NKAIN2: variants seen among roughly 807,000 people sequenced by gnomAD.
The protein encoded by NKAIN2 is sodium/potassium transporting ATPase interacting 2, also known as sodium/potassium-transporting ATPase subunit beta-1-interacting protein 2.
NKAIN2 carries 14 observed loss-of-function variants against 32.6 expected under a neutral mutation model. That is an observed-to-expected ratio of 0.43 (90% confidence interval 0.28 to 0.67). The LOEUF (loss-of-function observed/expected upper bound fraction) is 0.67, where lower values mean the gene tolerates loss of function less well. Among genes scored for constraint, NKAIN2 ranks in the 30% least tolerant of loss-of-function variants. NKAIN2 has a pLI of 0.17. For missense variants in NKAIN2, 198 were observed against 258.3 expected, an observed-to-expected ratio of 0.77 and a Z score of 1.60; for synonymous variants, 80 against 87.2, an observed-to-expected ratio of 0.92 and a Z score of 0.46.
chr6:123,905,964 G>T (rs1232255263), intron 1 of NKAIN2, among the ~76,000 whole-genome samples: 1 of 152,084 alleles, frequency 6.6e-6, no homozygotes, highest in African/African-American at 2.4e-5. Context: ...GATGGATTTT[G>T]GAATTGTTTT....
chr6:124,336,639 G>A (rs565492644), intron 2 of NKAIN2, among the ~76,000 whole-genome samples: 15 of 150,876 alleles, frequency 9.9e-5, no homozygotes, highest in African/African-American at 3.6e-4. Flanking sequence ...CTTATGTGTA[G>A]CCAAAAGTAC....
intron 3 of NKAIN2, among the ~76,000 whole-genome samples, chr6:124,571,000 G>A (rs1163566601): frequency 6.6e-6 from 1 of 152,170 alleles, no homozygotes; most frequent in Non-Finnish European, 1.5e-5. Flanking sequence ...GTGTGACCTG[G>A]ATGTGAGACC....
chr6:123,837,220 T>G (rs771473101), intron 1 of NKAIN2, among the ~76,000 whole-genome samples: 5 of 152,168 alleles, frequency 3.3e-5, no homozygotes, highest in Non-Finnish European at 7.4e-5. Flanking sequence ...TGACTTTTTT[T>G]TTTCATTTAG....
chr6:123,902,451 A>G (rs1774645978), intron 1 of NKAIN2, among the ~76,000 whole-genome samples: 2 of 152,200 alleles, frequency 1.3e-5, no homozygotes, highest in Non-Finnish European at 2.9e-5. Flanking sequence ...CAGCTACTTC[A>G]GTATCTACAT....
chr6:124,687,275 TA>T (rs1773956538), intron 4 of NKAIN2, among the ~76,000 whole-genome samples: 1 of 126,854 alleles, frequency 7.9e-6, no homozygotes, highest in African/African-American at 3.1e-5. Context: ...TCTCTATATA[TA>T]GAGAGAGAAT....
At chr6:124,772,448 C>T (rs1425950822) in intron 4 of NKAIN2, among the ~76,000 whole-genome samples, 1 of 152,018 alleles carries the variant, frequency 6.6e-6, no homozygotes, top group Non-Finnish European at 1.5e-5. Context: ...GTGAAGATGC[C>T]GAGTGGGCAG....
intron 3 of NKAIN2, among the ~76,000 whole-genome samples, chr6:124,503,129 C>T (rs914855305): frequency 6.6e-6 from 1 of 152,010 alleles, no homozygotes; most frequent in Non-Finnish European, 1.5e-5. Flanking sequence ...ACGTTTTCTA[C>T]ACATAAATGC....
chr6:123,873,782 T>G (rs2114295499), intron 1 of NKAIN2, among the ~76,000 whole-genome samples: 1 of 152,272 alleles, frequency 6.6e-6, no homozygotes, highest in East Asian at 1.9e-4. Flanking sequence ...TTTCTGATCT[T>G]TCGTTATGCC....
At position 124,286,678 on chromosome 6, in the gene NKAIN2, G is replaced by A. The variant is rs1304399842; in HGVS notation, c.192+3536G>A. Among the ~76,000 whole-genome samples, 8 of 139,444 alleles carry A rather than the reference G, an allele frequency of 5.7e-5. No individual in the cohort carries two copies. In the East Asian group the frequency reaches 8.2e-4, roughly 14 times the overall value. The allele number at this position is 139,444 out of a possible 152,430, so 91.5% of individuals were successfully genotyped here. On this transcript the variant is annotated intron_variant, in intron 2 of 6. Coordinates refer to ENST00000368417, the MANE Select transcript of NKAIN2 (RefSeq NM_001040214.3). ...TGTGTGTGTGTGTGTGTGTGTGCGC[G>A]CGCGTGTGTGTGTGTGTGTGTGAGA...
intron 3 of NKAIN2, among the ~76,000 whole-genome samples, chr6:124,472,877 A>T (rs1777032688): frequency 6.6e-6 from 1 of 152,042 alleles, no homozygotes. Context: ...AAAGAAAGAG[A>T]ATGTGTGTGC....
intron 3 of NKAIN2, among the ~76,000 whole-genome samples, chr6:124,385,956 T>C (rs977706644): frequency 6.6e-6 from 1 of 152,174 alleles, no homozygotes; most frequent in South Asian, 2.1e-4. Context: ...AAGACACTTA[T>C]GTAAGCAATG....
chr6:123,877,152 G>T (rs1773206257), intron 1 of NKAIN2, among the ~76,000 whole-genome samples: 1 of 151,934 alleles, frequency 6.6e-6, no homozygotes, highest in African/African-American at 2.4e-5. Context: ...TTTTACTTTT[G>T]ATATTCTGTG....
At chr6:124,544,497 G>A (rs937926663) in intron 3 of NKAIN2, among the ~76,000 whole-genome samples, 3 of 152,064 alleles carry the variant, frequency 2.0e-5, no homozygotes, top group African/African-American at 7.2e-5. Flanking sequence ...TTTTGAAAAT[G>A]ACATGAAACT....
intron 3 of NKAIN2, among the ~76,000 whole-genome samples, chr6:124,382,313 A>G (rs574716154): frequency 6.6e-6 from 1 of 152,098 alleles, no homozygotes; most frequent in African/African-American, 2.4e-5. Context: ...AACAATCTAT[A>G]TTTTATTCAT....
intron 3 of NKAIN2, among the ~76,000 whole-genome samples, chr6:124,636,551 A>C (rs1783780677): frequency 2.6e-5 from 4 of 152,000 alleles, no homozygotes; most frequent in Admixed American, 2.6e-4. Context: ...GACCCAAATA[A>C]ATAAAATTAG....
At chr6:124,469,253 T>G (rs1465986034) in intron 3 of NKAIN2, among the ~76,000 whole-genome samples, 1 of 152,204 alleles carries the variant, frequency 6.6e-6, no homozygotes, top group Non-Finnish European at 1.5e-5. Flanking sequence ...TGGAGCAGTG[T>G]GCAGTTATGG....
At chr6:124,730,774 A>T (rs1438889570) in intron 4 of NKAIN2, among the ~76,000 whole-genome samples, 1 of 151,958 alleles carries the variant, frequency 6.6e-6, no homozygotes, top group African/African-American at 2.4e-5. Flanking sequence ...TGAACAGGCA[A>T]CCTACACAAT....
At chr6:123,949,516 C>T (rs139588175) in intron 1 of NKAIN2, among the ~76,000 whole-genome samples, 1,530 of 152,002 alleles carry the variant, frequency 0.01, 18 homozygotes, top group Middle Eastern at 0.017. Flanking sequence ...AGGTCTTTCA[C>T]CCACTTTGTT....
chr6:124,022,596 A>C (rs1224982269), intron 1 of NKAIN2, among the ~76,000 whole-genome samples: 1 of 152,206 alleles, frequency 6.6e-6, no homozygotes, highest in Non-Finnish European at 1.5e-5. Context: ...AATTTTAACC[A>C]TTTAGTTTTA....
Sources: gnomAD v4.1 joint callset for allele counts (sites outside exome capture counted in the v4.1 genomes callset) on GRCh38, gnomAD v4.1.1 for gene constraint, MANE v1.5 for transcripts, NCBI Gene and HGNC (gene_info 2026-07-23, HGNC 2026-07-21) for gene names.